The following DPP10 variants were observed in gnomAD, a reference collection of about 807,000 sequenced individuals.
DPP10 encodes the protein dipeptidyl peptidase like 10, also known as inactive dipeptidyl peptidase 10.
Under a neutral mutation model 120.9 loss-of-function variants are expected in DPP10, and 33 were observed. That is an observed-to-expected ratio of 0.27 (90% CI 0.21 to 0.37). The LOEUF (loss-of-function observed/expected upper bound fraction) is 0.37. DPP10 is among the 10% of genes least tolerant of loss of function. DPP10 has a pLI of 1.00. For missense variants in DPP10, 816 were observed against 942.8 expected, an observed-to-expected ratio of 0.87 and a Z score of 1.76; for synonymous variants, 337 against 326.1, an observed-to-expected ratio of 1.03 and a Z score of -0.36.
chr2:115,727,923 C>T lies in DPP10; in HGVS notation c.684C>T (p.Asp228=). 4.4e-6 allele frequency: 7 copies of T among 1,605,184 alleles called. No homozygotes were observed. The highest frequency in any genetic ancestry group is 6.0e-6 in the Non-Finnish European group (7 of 1,176,468). ...AAATAATTTTTAATGGGATTGCTGA[C>T]TGGTTATATGAAGGTGAGTTGATCA... ...KEEIIFNGIA[D]WLYEEELLHS... Residue 228 remains aspartate, a synonymous_variant, in exon 8 of 26, where the codon GAC becomes GAT. Transcript: ENST00000410059.
At chr2:115,092,538 C>G (rs1311257738) in intron 1 of DPP10, among the ~76,000 whole-genome samples, 4 of 152,110 alleles carry the variant, frequency 2.6e-5, no homozygotes, top group African/African-American at 7.2e-5. Flanking sequence ...CCTACTGTAT[C>G]TGGTAAAGGA....
chr2:115,515,606 T>C (rs889064541), intron 4 of DPP10, among the ~76,000 whole-genome samples: 4 of 152,102 alleles, frequency 2.6e-5, no homozygotes, highest in African/African-American at 9.7e-5. Flanking sequence ...TTAATCTAAC[T>C]GGAATTATTC....
chr2:114,480,498 C>G (rs1680927247), intron 1 of DPP10, among the ~76,000 whole-genome samples: 1 of 152,048 alleles, frequency 6.6e-6, no homozygotes, highest in African/African-American at 2.4e-5. Flanking sequence ...AAATGTGACA[C>G]ACATACACCA....
chr2:114,459,244 T>C (rs577359280), intron 1 of DPP10, among the ~76,000 whole-genome samples: 29 of 152,342 alleles, frequency 1.9e-4, no homozygotes, highest in Non-Finnish European at 3.4e-4. Flanking sequence ...CAGCAGGACA[T>C]TGACATGCAG....
intron 5 of DPP10, among the ~76,000 whole-genome samples, chr2:115,550,601 T>C (rs151050843): frequency 3.3e-5 from 5 of 152,288 alleles, no homozygotes; most frequent in African/African-American, 1.2e-4. Context: ...AAATTTACAG[T>C]AGCCATCTGC....
intron 1 of DPP10, among the ~76,000 whole-genome samples, chr2:115,032,007 T>C (rs1703875126): frequency 6.6e-6 from 1 of 152,164 alleles, no homozygotes; most frequent in African/African-American, 2.4e-5. Context: ...ACGTATAATT[T>C]TTTTATAAAA....
intron 1 of DPP10, among the ~76,000 whole-genome samples, chr2:114,561,244 T>A (rs1274133487): frequency 6.6e-6 from 1 of 152,242 alleles, no homozygotes; most frequent in Non-Finnish European, 1.5e-5. Flanking sequence ...TTAGCTCTCT[T>A]GCTATCCATA....
intron 1 of DPP10, among the ~76,000 whole-genome samples, chr2:114,917,217 C>G (rs973005346): frequency 1.2e-4 from 18 of 152,134 alleles, no homozygotes; most frequent in African/African-American, 4.3e-4. Context: ...ATCCCGTTCA[C>G]AGTCCTCACC....
rs372009380 is a variant in DPP10 at position 115,245,370 on chromosome 2, GA to G, written c.61-63861del. Reference sequence around the variant, plus strand: ...ATAAACAAATGGCCAACAAACATATGAAAAAAAATGCTCAACATCACTAATT... The same window carrying G: ...ATAAACAAATGGCCAACAAACATATGAAAAAAATGCTCAACATCACTAATT... On this transcript the variant is annotated intron_variant, in intron 1 of 25. Coordinates refer to ENST00000410059, the MANE Select transcript of DPP10 (RefSeq NM_020868.6). Among the ~76,000 whole-genome samples, 578 of 151,506 alleles carry G rather than the reference GA, an allele frequency of 3.8e-3. 3 individuals are homozygous for G. The highest frequency in any genetic ancestry group is 0.013 in the African/African-American group (557 of 41,380).
chr2:115,479,032 A>G (rs2075268999), intron 3 of DPP10, among the ~76,000 whole-genome samples: 1 of 152,156 alleles, frequency 6.6e-6, no homozygotes, highest in African/African-American at 2.4e-5. Context: ...TTACTGTATG[A>G]TCTATAAATT....
intron 1 of DPP10, among the ~76,000 whole-genome samples, chr2:114,701,336 CAG>C (rs1214344786): frequency 6.6e-6 from 1 of 152,000 alleles, no homozygotes; most frequent in Non-Finnish European, 1.5e-5. Context: ...CTAGGATTTG[CAG>C]AGAGTATGTA....
intron 1 of DPP10, among the ~76,000 whole-genome samples, chr2:115,117,187 C>G (rs2049558221): frequency 6.6e-6 from 1 of 152,068 alleles, no homozygotes; most frequent in Non-Finnish European, 1.5e-5. Flanking sequence ...TAATGTTTGA[C>G]CAGGACAAAG....
intron 1 of DPP10, among the ~76,000 whole-genome samples, chr2:114,879,148 AT>A (rs562275114): frequency 6.9e-6 from 1 of 144,984 alleles, no homozygotes; most frequent in East Asian, 2.0e-4. Flanking sequence ...TTTTTTTTTC[AT>A]TTTTTTTCTA....
chr2:115,754,586 T>A (rs768236391), intron 11 of DPP10, among the ~76,000 whole-genome samples: 2 of 152,146 alleles, frequency 1.3e-5, no homozygotes, highest in African/African-American at 4.8e-5. Flanking sequence ...AGTTCATCTG[T>A]CTGTAAATTA....
intron 1 of DPP10, among the ~76,000 whole-genome samples, chr2:114,820,159 T>G (rs532493161): frequency 6.6e-6 from 1 of 152,302 alleles, no homozygotes; most frequent in East Asian, 1.9e-4. Context: ...AGTTACAATG[T>G]GCCAGAGAGA....
At chr2:115,148,674 G>T (rs1573786878) in intron 1 of DPP10, among the ~76,000 whole-genome samples, 3 of 152,190 alleles carry the variant, frequency 2.0e-5, no homozygotes, top group East Asian at 3.9e-4. Flanking sequence ...TAAGAGACAA[G>T]AACTCTATTA....
At chr2:115,608,479 A>C (rs757680903) in intron 5 of DPP10, among the ~76,000 whole-genome samples, 1 of 152,190 alleles carries the variant, frequency 6.6e-6, no homozygotes, top group Non-Finnish European at 1.5e-5. Flanking sequence ...GAAAATTGGA[A>C]GGCTTTTATC....
chr2:115,336,839 G>A (rs770729100), intron 2 of DPP10, among the ~76,000 whole-genome samples: 5 of 151,478 alleles, frequency 3.3e-5, no homozygotes, highest in Non-Finnish European at 7.4e-5. Flanking sequence ...ATTTTTTTCT[G>A]AGCCACCTTC....
chr2:114,537,232 C>T (rs1686578178), intron 1 of DPP10, among the ~76,000 whole-genome samples: 1 of 152,092 alleles, frequency 6.6e-6, no homozygotes, highest in Non-Finnish European at 1.5e-5. Flanking sequence ...AAACAGTCGG[C>T]TAGACTACCG....
Sources: allele counts gnomAD v4.1 joint callset (sites outside exome capture counted in the v4.1 genomes callset), GRCh38; gene constraint gnomAD v4.1.1; transcripts MANE v1.5; gene names NCBI Gene and HGNC (gene_info 2026-07-23, HGNC 2026-07-21).